ALKBH6: variants seen among roughly 807,000 people sequenced by gnomAD.
ALKBH6 encodes probable RNA/DNA demethylase ALKBH6.
Under a neutral mutation model 25.1 loss-of-function variants are expected in ALKBH6, and 20 were observed. The observed-to-expected ratio is 0.80, with a 90% confidence interval of 0.56 to 1.16. The LOEUF (loss-of-function observed/expected upper bound fraction) is 1.16. Among genes scored for constraint, ALKBH6 ranks in the 50% most tolerant of loss-of-function variants. The probability of loss-of-function intolerance (pLI) is 0.00; values close to 1 mark genes in which losing one functional copy is unlikely to be tolerated. For missense variants in ALKBH6, 263 were observed against 326.5 expected (o/e 0.81, Z 1.50); for synonymous variants, 156 against 147.5 (o/e 1.06, Z -0.42).
At position 36,013,249 on chromosome 19, in the gene ALKBH6, A is replaced by G. The variant is rs574296562; in HGVS notation, c.54+95T>C. 1.6e-5 allele frequency: 24 copies of G among 1,529,442 alleles called. No homozygotes were observed. The African/African-American group carries it at 3.3e-4, about 21-fold the overall frequency. The allele number at this position is 1,529,442 out of a possible 1,614,324, so 94.7% of individuals were successfully genotyped here. A position where few individuals can be genotyped will look rare whatever the true frequency, so the allele number is the denominator to read the frequency against. ...GTGCCATTCCAGAATGGACTCTGACAGTAAGAATGAATTTGGTGGAAGGGG... is the reference window on the plus strand; with the variant it reads ...GTGCCATTCCAGAATGGACTCTGACGGTAAGAATGAATTTGGTGGAAGGGG... On this transcript the variant is annotated intron_variant, in intron 2 of 6. Coordinates refer to ENST00000378875, the MANE Select transcript of ALKBH6 (RefSeq NM_032878.5). The surrounding 1 kb of genome is among the most constrained non-coding windows in gnomAD (Gnocchi z 4.6).
In ALKBH6 at chr19:36,010,448, A is replaced by AG. The variant is rs1968567400; in HGVS notation, c.453+118dup. 2 of 867,066 alleles carry AG rather than the reference A, an allele frequency of 2.3e-6. No homozygotes were observed. Among genetic ancestry groups the AG allele is most frequent in the Non-Finnish European group, 3.7e-6 (2 of 534,814 alleles). 53.7% of individuals were successfully genotyped at this position (867,066 alleles called of 1,614,324 possible). A position where few individuals can be genotyped will look rare whatever the true frequency, so the allele number is the denominator to read the frequency against. On this transcript the variant is annotated intron_variant, in intron 6 of 6. Transcript: ENST00000378875. The surrounding 1 kb of genome is among the most constrained non-coding windows in gnomAD (Gnocchi z 5.5). ...AGTGGGTACACCCCATGAGGGGACA[A>AG]GGGAAGGTATCTGGGAGAGTGCCAG... is the stretch of plus-strand genomic sequence containing the variant.
At position 36,009,902 on chromosome 19, in the gene ALKBH6, G is replaced by C. The variant is rs190293915; in HGVS notation, c.454-349C>G. On this transcript the variant is annotated intron_variant, in intron 6 of 6. Coordinates refer to ENST00000378875, the MANE Select transcript of ALKBH6 (RefSeq NM_032878.5). ...AATAGGCAGTCCCCAGGAAATACAGGCAGAGCTGGGCTGAGAGAGCATGGC... is the reference window on the plus strand; with the variant it reads ...AATAGGCAGTCCCCAGGAAATACAGCCAGAGCTGGGCTGAGAGAGCATGGC... Among the ~76,000 whole-genome samples, 21 of 152,230 alleles carry C rather than the reference G, an allele frequency of 1.4e-4. No individual in the cohort carries two copies. In the East Asian group the frequency reaches 3.9e-3, roughly 28 times the overall value.
In ALKBH6 at chr19:36,009,384, C is replaced by T; in HGVS notation, c.623G>A (p.Arg208Gln). ...PPNAAACPSARPGACLVRGTR... is the reference protein window; with the variant it reads ...PPNAAACPSAQPGACLVRGTR... ...GCCGCGCACCAGGCAGGCTCCCGGC[C>T]GCGCCGACGGGCAGGCTGCCGCATT... The change falls in exon 7 of 7, where the codon CGG becomes CAG. Residue 208 changes from arginine to glutamine, a missense_variant. By Grantham distance (43) the Arg-to-Gln change is conservative (BLOSUM62 1). Transcript: ENST00000378875. 1 of 1,258,718 alleles carries T rather than the reference C, an allele frequency of 7.9e-7. No individual in the cohort carries two copies. The highest frequency in any genetic ancestry group is 1.6e-5 in the African/African-American group (1 of 64,500). 78.0% of individuals were successfully genotyped at this position (1,258,718 alleles called of 1,614,324 possible). A position where few individuals can be genotyped will look rare whatever the true frequency, so the allele number is the denominator to read the frequency against.
chr19:36,013,368 G>T lies in ALKBH6; in HGVS notation c.30C>A (p.Ala10=), dbSNP rs367606641. 3.1e-6 allele frequency: 5 copies of T among 1,613,880 alleles called. No homozygotes were observed. In the African/African-American group the frequency reaches 4.0e-5, roughly 13 times the overall value. The change falls in exon 2 of 7, where the codon GCC becomes GCA. Residue 10 remains alanine (A), a synonymous_variant. Transcript: ENST00000378875. The surrounding 1 kb of genome is among the most constrained non-coding windows in gnomAD (Gnocchi z 4.6). The stretch of plus-strand genomic sequence containing the variant: ...CCTGCTCCACTCTGAACGGTTCCAG[G>T]GCTGGGACTCTGGCGTCCTGCTCCT... MEEQDARVP[A]LEPFRVEQAP...
intron 4 of ALKBH6, 24 bp downstream of exon 4, chr19:36,011,380 C>T (rs1486111106): frequency 1.9e-6 from 3 of 1,610,594 alleles, no homozygotes; most frequent in African/African-American, 2.7e-5. Flanking sequence ...AGAATCACTC[C>T]TGCCCCCAGC....
chr19:36,013,882 C>A lies in ALKBH6; in HGVS notation c.-26+293G>T, dbSNP rs1053249952. On this transcript the variant is annotated intron_variant, in intron 1 of 6. Coordinates refer to ENST00000378875, the MANE Select transcript of ALKBH6 (RefSeq NM_032878.5). The surrounding 1 kb of genome is among the most constrained non-coding windows in gnomAD (Gnocchi z 4.6). ...TCCCATTCTGTGCACTCCTGTGACC[C>A]CAATCTGAGCCTCCTCAGACATGTC... The A allele has an allele frequency of 1.8e-4, 247 of 1,340,834 alleles. 3 individuals are homozygous for A. The highest frequency in any genetic ancestry group is 7.6e-6 in the Non-Finnish European group (8 of 1,049,924). 83.1% of individuals were successfully genotyped at this position (1,340,834 alleles called of 1,614,324 possible). A position where few individuals can be genotyped will look rare whatever the true frequency, so the allele number is the denominator to read the frequency against.
At chr19:36,012,065 CACAAG>C (rs1208402995) in intron 3 of ALKBH6, 1 of 152,496 alleles carries the variant, frequency 6.6e-6, no homozygotes, top group African/African-American at 2.4e-5. Context: ...GAGACTGAAA[CACAAG>C]AATCAGTTGA....
At position 36,010,504 on chromosome 19, in the gene ALKBH6, A is replaced by T; in HGVS notation, c.453+63T>A. The T allele has an allele frequency of 7.1e-7, 1 of 1,405,308 alleles. No homozygotes were observed. Among genetic ancestry groups the T allele is most frequent in the South Asian group, 1.2e-5 (1 of 83,776 alleles). 87.1% of individuals were successfully genotyped at this position (1,405,308 alleles called of 1,614,324 possible). A position where few individuals can be genotyped will look rare whatever the true frequency, so the allele number is the denominator to read the frequency against. ...CCCCGAAGGCATGTGGGACCAGGTC[A>T]TCTTGGAGGATGTGCGAGGTTGAAG... is the stretch of plus-strand genomic sequence containing the variant. On this transcript the variant is annotated intron_variant, in intron 6 of 6. Coordinates refer to ENST00000378875, the MANE Select transcript of ALKBH6 (RefSeq NM_032878.5). This position sits in a 1 kb window ranked among gnomAD's most constrained non-coding sequence, Gnocchi z 5.5.
chr19:36,013,001 C>G lies in ALKBH6; in HGVS notation c.123+20G>C. ...ATATGGGAAGAGTGGGAAAACAGAC[C>G]AGTAGGGCACTGAGGTCACCTGTCG... is the stretch of plus-strand genomic sequence containing the variant. On this transcript the variant is annotated intron_variant, in intron 3 of 6. Coordinates refer to ENST00000378875, the MANE Select transcript of ALKBH6 (RefSeq NM_032878.5). The surrounding 1 kb of genome is among the most constrained non-coding windows in gnomAD (Gnocchi z 4.6). 1 of 1,605,542 alleles carries G rather than the reference C, an allele frequency of 6.2e-7. No individual in the cohort carries two copies.
At chr19:36,014,046 T>C in intron 1 of ALKBH6, 129 bp downstream of exon 1, 2 of 1,523,252 alleles carry the variant, frequency 1.3e-6, no homozygotes, top group Non-Finnish European at 1.8e-6. Flanking sequence ...ACCATTCAGA[T>C]CCCCGACTCC....
intron 6 of ALKBH6, 40 bp from the exon 7 acceptor site, chr19:36,009,593 G>A (rs941252396): frequency 1.7e-6 from 2 of 1,165,188 alleles, no homozygotes; most frequent in Non-Finnish European, 2.2e-6. Flanking sequence ...TCAAGAAGTC[G>A]GGGGGTGGGG....
In ALKBH6 at chr19:36,013,015, G is replaced by A. The variant is rs761341949; in HGVS notation, c.123+6C>T. ...GGAAAACAGACCAGTAGGGCACTGA[G>A]GTCACCTGTCGAAGCAAATACTCCT... On this transcript the variant is annotated splice_donor_region_variant and intron_variant, in intron 3 of 6. Transcript: ENST00000378875. This position sits in a 1 kb window ranked among gnomAD's most constrained non-coding sequence, Gnocchi z 4.6. 3.7e-6 allele frequency: 6 copies of A among 1,611,720 alleles called. No individual in the cohort carries two copies. In the Admixed American group the frequency reaches 1.0e-4, roughly 27 times the overall value.
Position 36,010,553 on chromosome 19 carries a change from G to A in ALKBH6, c.453+14C>T. On this transcript the variant is annotated intron_variant, in intron 6 of 6. Coordinates refer to ENST00000378875, the MANE Select transcript of ALKBH6 (RefSeq NM_032878.5). This position sits in a 1 kb window ranked among gnomAD's most constrained non-coding sequence, Gnocchi z 5.5. ...AGTGCCTACAAGCAGCTGGGGCAGT[G>A]TCTGGGGGCCCACCTGTTCTGTAGG... 1 of 1,610,176 alleles carries A rather than the reference G, an allele frequency of 6.2e-7. No individual in the cohort carries two copies. The highest frequency in any genetic ancestry group is 8.5e-7 in the Non-Finnish European group (1 of 1,176,916).
rs1356157693 is a variant in ALKBH6, at chr19:36,013,785, T to G, written c.-25-363A>C. The G allele has an allele frequency of 2.4e-6, 3 of 1,268,330 alleles. No individual in the cohort carries two copies. The highest frequency in any genetic ancestry group is 3.0e-6 in the Non-Finnish European group (3 of 1,004,520). The allele number at this position is 1,268,330 out of a possible 1,614,324, so 78.6% of individuals were successfully genotyped here. On this transcript the variant is annotated intron_variant, in intron 1 of 6. Transcript: ENST00000378875. This position sits in a 1 kb window ranked among gnomAD's most constrained non-coding sequence, Gnocchi z 4.6. ...GCACTCCAGAGCCCCTTTAAACACC[T>G]TGAGACCCCGCTTCAGACCTGCAAC...
At chr19:36,011,639 A>G in intron 3 of ALKBH6, 175 bp from the exon 4 acceptor site, 3 of 649,110 alleles carry the variant, frequency 4.6e-6, no homozygotes, top group Non-Finnish European at 5.2e-6. Context: ...TTTTCCTGGG[A>G]ACGCCTTTGG....
Position 36,013,007 on chromosome 19 carries a change from G to A in ALKBH6, c.123+14C>T. Reference sequence around the variant, plus strand: ...GAAGAGTGGGAAAACAGACCAGTAGGGCACTGAGGTCACCTGTCGAAGCAA... The same window carrying A: ...GAAGAGTGGGAAAACAGACCAGTAGAGCACTGAGGTCACCTGTCGAAGCAA... On this transcript the variant is annotated intron_variant, in intron 3 of 6. Coordinates refer to ENST00000378875, the MANE Select transcript of ALKBH6 (RefSeq NM_032878.5). The surrounding 1 kb of genome is among the most constrained non-coding windows in gnomAD (Gnocchi z 4.6). 6.2e-7 allele frequency: 1 copy of A among 1,608,526 alleles called. No individual in the cohort carries two copies. Among genetic ancestry groups the A allele is most frequent in the South Asian group, 1.1e-5 (1 of 90,942 alleles).
chr19:36,009,950 G>A (rs1457069864), intron 6 of ALKBH6, among the ~76,000 whole-genome samples: 1 of 152,148 alleles, frequency 6.6e-6, no homozygotes, highest in Non-Finnish European at 1.5e-5. Context: ...CAGGTGAGGA[G>A]AGAGTGAGGC....
At position 36,009,309 on chromosome 19, in the gene ALKBH6, C is replaced by T; in HGVS notation, c.698G>A (p.Gly233Asp). 1 of 1,361,024 alleles carries T rather than the reference C, an allele frequency of 7.3e-7. No individual in the cohort carries two copies. The highest frequency in any genetic ancestry group is 9.5e-7 in the Non-Finnish European group (1 of 1,053,976). 84.3% of individuals were successfully genotyped at this position (1,361,024 alleles called of 1,614,324 possible). Residue 233 changes from glycine to aspartate, a missense_variant, in exon 7 of 7, where the codon GGC (glycine) becomes GAC (aspartate). By Grantham distance (94) the Gly-to-Asp change is moderately conservative. Transcript: ENST00000378875. ...IRRVPRVLRAGLLLGK is the reference protein window; with the variant it reads ...IRRVPRVLRADLLLGK ...TGGCGGTCACTTGCCCAGCAGGAGG[C>T]CGGCGCGCAGCACGCGGGGCACGCG... is the stretch of plus-strand genomic sequence containing the variant.
At chr19:36,011,353 GC>G in intron 4 of ALKBH6, 50 bp downstream of exon 4, 1 of 1,598,454 alleles carries the variant, frequency 6.3e-7, no homozygotes, top group Non-Finnish European at 8.5e-7. Flanking sequence ...TGAGTCCCCT[GC>G]CCCAGCCTAC....
Sources: gnomAD v4.1 joint callset for allele counts (sites outside exome capture counted in the v4.1 genomes callset) on GRCh38, gnomAD v4.1.1 for gene constraint, Gnocchi (gnomAD v3.1) non-coding constraint, MANE v1.5 for transcripts, NCBI Gene and HGNC (gene_info 2026-07-23, HGNC 2026-07-21) for gene names.